Variants in CNTNAP2 observed in about 807,000 individuals in gnomAD.
CNTNAP2 encodes the protein contactin-associated protein-like 2.
In CNTNAP2, 98 loss-of-function variants were observed where a neutral mutation model predicts 155.2. The observed-to-expected ratio is 0.63, with a 90% confidence interval of 0.54 to 0.75. CNTNAP2 has a LOEUF of 0.75. Ranked by LOEUF, CNTNAP2 falls within the 30% of genes least tolerant of loss-of-function variation. The probability of loss-of-function intolerance (pLI) is 0.00; values close to 1 mark genes in which losing one functional copy is unlikely to be tolerated. For synonymous variants in CNTNAP2, 651 were observed against 631.2 expected, an observed-to-expected ratio of 1.03 and a Z score of -0.47; for missense variants, 1,727 against 1,688.1, an observed-to-expected ratio of 1.02 and a Z score of -0.40.
chr7:147,994,639 C>T (rs1468703219), intron 15 of CNTNAP2, among the ~76,000 whole-genome samples: 1 of 152,166 alleles, frequency 6.6e-6, no homozygotes, highest in African/African-American at 2.4e-5. Context: ...CTGCTGCTAT[C>T]CATATAAGAT....
chr7:146,894,204 A>G (rs1345452155), intron 3 of CNTNAP2, among the ~76,000 whole-genome samples: 2 of 152,208 alleles, frequency 1.3e-5, no homozygotes, highest in African/African-American at 4.8e-5. Flanking sequence ...AAAGGAAACA[A>G]TATATTCTCT....
At chr7:148,093,295 C>T (rs1015018249) in intron 15 of CNTNAP2, among the ~76,000 whole-genome samples, 6 of 152,214 alleles carry the variant, frequency 3.9e-5, no homozygotes, top group East Asian at 1.9e-4. Flanking sequence ...ATACTCCTTT[C>T]GGAAAATCAC....
intron 1 of CNTNAP2, among the ~76,000 whole-genome samples, chr7:146,565,088 C>T (rs1271113752): frequency 1.3e-5 from 2 of 151,812 alleles, no homozygotes; most frequent in Non-Finnish European, 2.9e-5. Context: ...ATTCAAATTG[C>T]CTTTTCTGCT....
intron 15 of CNTNAP2, among the ~76,000 whole-genome samples, chr7:147,990,312 A>T (rs1801688360): frequency 6.6e-6 from 1 of 152,200 alleles, no homozygotes; most frequent in Non-Finnish European, 1.5e-5. Flanking sequence ...ACAGTCAAAG[A>T]CAGGTTTATT....
chr7:148,079,951 A>G (rs756950867), intron 15 of CNTNAP2, among the ~76,000 whole-genome samples: 21 of 152,148 alleles, frequency 1.4e-4, no homozygotes, highest in Non-Finnish European at 2.6e-4. Context: ...GGGGCTTAAA[A>G]TGTTATTTTT....
chr7:146,587,334 T>A (rs772394523), intron 1 of CNTNAP2, among the ~76,000 whole-genome samples: 43 of 152,206 alleles, frequency 2.8e-4, no homozygotes, highest in Non-Finnish European at 5.6e-4. Flanking sequence ...TTCTCATTTG[T>A]ACAGCCTCTC....
chr7:146,939,482 T>C (rs932759010), intron 3 of CNTNAP2, among the ~76,000 whole-genome samples: 3 of 152,230 alleles, frequency 2.0e-5, no homozygotes, highest in Admixed American at 2.0e-4. Flanking sequence ...CTCTGAAATA[T>C]CTTTTCCAGC....
At chr7:146,588,614 C>T (rs1481239965) in intron 1 of CNTNAP2, among the ~76,000 whole-genome samples, 1 of 151,944 alleles carries the variant, frequency 6.6e-6, no homozygotes, top group African/African-American at 2.4e-5. Flanking sequence ...CTCAGGTGAT[C>T]TTCGTACCTT....
chr7:147,622,628 T>A (rs1052576682), intron 12 of CNTNAP2, among the ~76,000 whole-genome samples: 1 of 151,740 alleles, frequency 6.6e-6, no homozygotes, highest in African/African-American at 2.4e-5. Context: ...TGGGATACGA[T>A]AAAAGCAGTA....
chr7:146,130,967 A>G (rs1283040281), intron 1 of CNTNAP2, among the ~76,000 whole-genome samples: 1 of 152,160 alleles, frequency 6.6e-6, no homozygotes, highest in East Asian at 1.9e-4. Flanking sequence ...ACCAGGTTTC[A>G]CCCTTGGCAC....
At chr7:146,729,352 C>T (rs1466662426) in intron 1 of CNTNAP2, among the ~76,000 whole-genome samples, 4 of 151,742 alleles carry the variant, frequency 2.6e-5, no homozygotes, top group Non-Finnish European at 5.9e-5. Flanking sequence ...TTTTGAAAGA[C>T]GACAGTAAAA....
At chr7:148,160,708 G>C (rs1172464525) in intron 17 of CNTNAP2, among the ~76,000 whole-genome samples, 1 of 152,104 alleles carries the variant, frequency 6.6e-6, no homozygotes, top group East Asian at 1.9e-4. Flanking sequence ...GGGGGTCTCT[G>C]GTTCAGATCC....
intron 13 of CNTNAP2, among the ~76,000 whole-genome samples, chr7:147,750,980 C>T (rs1349788571): frequency 6.6e-6 from 1 of 152,090 alleles, no homozygotes; most frequent in Non-Finnish European, 1.5e-5. Flanking sequence ...GCGGAGCTTG[C>T]AGTGAGCCGA....
intron 13 of CNTNAP2, among the ~76,000 whole-genome samples, chr7:147,863,431 T>C (rs1234205916): frequency 6.6e-6 from 1 of 152,182 alleles, no homozygotes; most frequent in Non-Finnish European, 1.5e-5. Flanking sequence ...TTATAATCCT[T>C]TTGGTATATA....
chr7:146,403,388 T>C (rs938889001), intron 1 of CNTNAP2, among the ~76,000 whole-genome samples: 1 of 152,188 alleles, frequency 6.6e-6, no homozygotes, highest in African/African-American at 2.4e-5. Context: ...ATGAGACTTG[T>C]TAATAATGTA....
chr7:146,775,344 T>G (rs1802371640), intron 2 of CNTNAP2, among the ~76,000 whole-genome samples: 2 of 152,136 alleles, frequency 1.3e-5, no homozygotes, highest in African/African-American at 4.8e-5. Flanking sequence ...AACTGTGTTG[T>G]GATGGATATG....
At chr7:146,721,838 A>ATATATGTAGACTATATATAGTC (rs1801335684) in intron 1 of CNTNAP2, among the ~76,000 whole-genome samples, 3 of 98,482 alleles carry the variant, frequency 3.0e-5, no homozygotes, top group African/African-American at 1.5e-4. Flanking sequence ...TATATAGTCT[A>ATATATGTAGACTATATATAGTC]TATATATATT....
intron 3 of CNTNAP2, among the ~76,000 whole-genome samples, chr7:146,866,054 C>T (rs1266335947): frequency 1.3e-5 from 2 of 152,032 alleles, no homozygotes; most frequent in African/African-American, 4.8e-5. Context: ...TTCAGAGGTG[C>T]CATCCAAACA....
intron 16 of CNTNAP2, among the ~76,000 whole-genome samples, chr7:148,146,136 A>C (rs1805172211): frequency 6.6e-6 from 1 of 152,210 alleles, no homozygotes; most frequent in Non-Finnish European, 1.5e-5. Context: ...GGTACCAGCC[A>C]AAAGAAGCTG....
Sources: allele counts gnomAD v4.1 joint callset (sites outside exome capture counted in the v4.1 genomes callset), GRCh38; gene constraint gnomAD v4.1.1; transcripts MANE v1.5; gene names NCBI Gene and HGNC (gene_info 2026-07-23, HGNC 2026-07-21).